SLC35F1: variants seen among roughly 807,000 people sequenced by gnomAD.
SLC35F1 encodes the protein solute carrier family 35 member F1, also known as chromosome 6 open reading frame 169.
Under a neutral mutation model 48.7 loss-of-function variants are expected in SLC35F1, and 14 were observed. The observed-to-expected ratio is 0.29, with a 90% confidence interval of 0.19 to 0.45. The LOEUF (loss-of-function observed/expected upper bound fraction) is 0.45. Ranked by LOEUF, SLC35F1 falls within the 20% of genes least tolerant of loss-of-function variation. The pLI, the probability that SLC35F1 is intolerant of heterozygous loss-of-function variation, is 1.00. For synonymous variants in SLC35F1, 190 were observed against 202.2 expected (o/e 0.94, Z 0.51); for missense variants, 404 against 500.0 (o/e 0.81, Z 1.83).
At chr6:118,086,381 T>C (rs988550272) in intron 1 of SLC35F1, among the ~76,000 whole-genome samples, 1 of 152,234 alleles carries the variant, frequency 6.6e-6, no homozygotes, top group African/African-American at 2.4e-5. Flanking sequence ...ATTTGCAAGT[T>C]CTGCAGTTAC....
intron 1 of SLC35F1, among the ~76,000 whole-genome samples, chr6:118,065,403 C>T (rs767258137): frequency 1.3e-5 from 2 of 152,008 alleles, no homozygotes; most frequent in Non-Finnish European, 2.9e-5. Flanking sequence ...ACTGTGTTGC[C>T]TATGTCAGGC....
At chr6:118,138,003 C>A (rs1403814999) in intron 1 of SLC35F1, among the ~76,000 whole-genome samples, 2 of 152,058 alleles carry the variant, frequency 1.3e-5, no homozygotes, top group African/African-American at 4.8e-5. Context: ...ATTCAGATGC[C>A]AGGATATTCC....
chr6:118,043,917 C>T (rs866597710), intron 1 of SLC35F1, among the ~76,000 whole-genome samples: 1 of 152,060 alleles, frequency 6.6e-6, no homozygotes, highest in Non-Finnish European at 1.5e-5. Context: ...TCTGATTTTC[C>T]CTATTGTCTG....
intron 2 of SLC35F1, among the ~76,000 whole-genome samples, chr6:118,198,068 G>T (rs1774825966): frequency 6.6e-6 from 1 of 152,156 alleles, no homozygotes; most frequent in Admixed American, 6.5e-5. Context: ...TAGGTGACTT[G>T]TGGACTCTCA....
intron 1 of SLC35F1, among the ~76,000 whole-genome samples, chr6:118,121,554 T>C (rs1180463676): frequency 1.3e-5 from 2 of 152,200 alleles, no homozygotes; most frequent in South Asian, 2.1e-4. Context: ...GTGAACTTCC[T>C]GAAGGATCAT....
At chr6:118,045,606 T>G (rs1772288206) in intron 1 of SLC35F1, among the ~76,000 whole-genome samples, 1 of 152,206 alleles carries the variant, frequency 6.6e-6, no homozygotes, top group African/African-American at 2.4e-5. Flanking sequence ...GATTCCCGTG[T>G]CTTTGGGATT....
chr6:117,926,415 G>A (rs186995820), intron 1 of SLC35F1, among the ~76,000 whole-genome samples: 3 of 151,790 alleles, frequency 2.0e-5, no homozygotes, highest in African/African-American at 7.3e-5. Flanking sequence ...AGTTTTTTTC[G>A]TAGCAGCATG....
rs76399856 is a variant in SLC35F1, at chr6:118,310,815, T to C, written c.1003-3213T>C. 6.9e-4 allele frequency among the ~76,000 whole-genome samples: 105 copies of C among 152,336 alleles called. 2 individuals carry two copies. In the East Asian group the frequency reaches 0.02, roughly 29 times the overall value. ...AAGCTGTGTCCCAAGAAAACAATTCTGTAAGGAATTTCTCGCTCAACCTGA... is the reference window on the plus strand; with the variant it reads ...AAGCTGTGTCCCAAGAAAACAATTCCGTAAGGAATTTCTCGCTCAACCTGA... On this transcript the variant is annotated intron_variant, in intron 7 of 7. Transcript: ENST00000360388.
chr6:118,071,060 CT>C (rs1772709477), intron 1 of SLC35F1, among the ~76,000 whole-genome samples: 1 of 550 alleles, frequency 1.8e-3, no homozygotes, highest in Non-Finnish European at 3.9e-3. Context: ...TATATATATT[CT>C]ACGTATATAT....
At chr6:118,305,237 C>A (rs1776299540) in intron 7 of SLC35F1, among the ~76,000 whole-genome samples, 2 of 151,578 alleles carry the variant, frequency 1.3e-5, no homozygotes, top group Admixed American at 1.3e-4. Context: ...GTACAGTTTC[C>A]TCTTCCTGGG....
chr6:118,177,765 T>G (rs893597746), intron 2 of SLC35F1, among the ~76,000 whole-genome samples: 6 of 152,160 alleles, frequency 3.9e-5, no homozygotes, highest in Non-Finnish European at 8.8e-5. Context: ...CGTTTTTGTT[T>G]TTTTTTAACT....
Position 118,285,174 on chromosome 6 carries a change from C to T in SLC35F1, c.848-10C>T, listed in dbSNP as rs756765738. On this transcript the variant is annotated splice_polypyrimidine_tract_variant and intron_variant, in intron 6 of 7. Transcript: ENST00000360388. Reference sequence around the variant, plus strand: ...GCCCTGACGCTGCCTTCTCTTTACTCTTCCCCCAGGACTGCTCTACGTTGG... The same window carrying T: ...GCCCTGACGCTGCCTTCTCTTTACTTTTCCCCCAGGACTGCTCTACGTTGG... 3.1e-6 allele frequency: 5 copies of T among 1,612,068 alleles called. No homozygotes were observed. The South Asian group carries it at 4.4e-5, about 14-fold the overall frequency.
intron 1 of SLC35F1, among the ~76,000 whole-genome samples, chr6:118,073,725 C>T (rs931998419): frequency 6.6e-6 from 1 of 152,050 alleles, no homozygotes; most frequent in Non-Finnish European, 1.5e-5. Flanking sequence ...AAAAAAATTT[C>T]TGCCATTCAT....
chr6:117,950,861 C>T (rs1776355306), intron 1 of SLC35F1, among the ~76,000 whole-genome samples: 1 of 152,136 alleles, frequency 6.6e-6, no homozygotes, highest in Non-Finnish European at 1.5e-5. Context: ...GGTGTTGAGA[C>T]ATCAATGTTG....
At chr6:118,270,739 A>C (rs966196696) in intron 4 of SLC35F1, among the ~76,000 whole-genome samples, 1 of 152,210 alleles carries the variant, frequency 6.6e-6, no homozygotes, top group Non-Finnish European at 1.5e-5. Context: ...GGCAATAGGC[A>C]ATAGAAGTGG....
chr6:118,012,038 A>T (rs1777255761), intron 1 of SLC35F1, among the ~76,000 whole-genome samples: 1 of 152,220 alleles, frequency 6.6e-6, no homozygotes, highest in Non-Finnish European at 1.5e-5. Flanking sequence ...TGTTGTTAAC[A>T]ACAGGGTTAA....
chr6:118,211,298 T>C (rs577049240), intron 2 of SLC35F1, among the ~76,000 whole-genome samples: 2 of 152,208 alleles, frequency 1.3e-5, no homozygotes, highest in Non-Finnish European at 2.9e-5. Context: ...ATTGTCTTTT[T>C]TGGCCTTTCT....
intron 1 of SLC35F1, among the ~76,000 whole-genome samples, chr6:117,962,437 C>T (rs1776509347): frequency 6.6e-6 from 1 of 152,186 alleles, no homozygotes; most frequent in Non-Finnish European, 1.5e-5. Flanking sequence ...AAATGACTCC[C>T]TCCTTGCTTT....
chr6:118,178,689 A>G (rs1358887589), intron 2 of SLC35F1, among the ~76,000 whole-genome samples: 1 of 152,000 alleles, frequency 6.6e-6, no homozygotes, highest in Non-Finnish European at 1.5e-5. Flanking sequence ...GACAATACCA[A>G]TAAAGAAACC....
Sources: gnomAD v4.1 joint callset for allele counts (sites outside exome capture counted in the v4.1 genomes callset) on GRCh38, gnomAD v4.1.1 for gene constraint, MANE v1.5 for transcripts, NCBI Gene and HGNC (gene_info 2026-07-23, HGNC 2026-07-21) for gene names.